Variants in PLEKHG4B observed in about 807,000 individuals in gnomAD.
PLEKHG4B encodes pleckstrin homology and RhoGEF domain containing G4B, also known as pleckstrin homology domain-containing family G member 4B.
In PLEKHG4B, 111 loss-of-function variants were observed where a neutral mutation model predicts 121.3. The ratio of observed to expected loss-of-function variants is 0.92; its 90% CI spans 0.78 to 1.07. The LOEUF is 1.07. Ranked by LOEUF, PLEKHG4B falls within the 50% of genes least tolerant of loss-of-function variation. The pLI is 0.00. For synonymous variants in PLEKHG4B, 738 were observed against 725.0 expected, an observed-to-expected ratio of 1.02 and a Z score of -0.29; for missense variants, 1,831 against 1,757.8, an observed-to-expected ratio of 1.04 and a Z score of -0.74.
Position 163,072 on chromosome 5 carries a change from TG to T in PLEKHG4B, c.3002del (p.Gly1001ValfsTer79). On this transcript the variant is annotated frameshift_variant, in exon 13 of 20. Coordinates refer to ENST00000637938, the MANE Select transcript of PLEKHG4B (RefSeq NM_052909.5). LOFTEE classifies it high-confidence loss of function. ...PSFPSTDSGG[G>X]AWEPAQPLSG... ...CATTCCCCAGCACGGACAGTGGGGG[TG>T]GTGCCTGGGAACCTGCGCAACCACT... is the stretch of plus-strand genomic sequence containing the variant. The T allele has an allele frequency of 6.4e-7, 1 of 1,560,858 alleles. No homozygotes were observed. The highest frequency in any genetic ancestry group is 8.7e-7 in the Non-Finnish European group (1 of 1,152,804).
Position 161,808 on chromosome 5 carries a change from T to A in PLEKHG4B, c.2513T>A (p.Leu838Gln), listed in dbSNP as rs113399108. 57 of 1,613,808 alleles carry A rather than the reference T, an allele frequency of 3.5e-5. No individual in the cohort carries two copies. In the East Asian group the frequency reaches 1.2e-3, roughly 33 times the overall value. The change falls in exon 12 of 20, where the codon CTG becomes CAG. Residue 838 changes from leucine (L) to glutamine (Q), a missense_variant. By Grantham distance (113) the Leu-to-Gln change is moderately radical. Transcript: ENST00000637938. The stretch of plus-strand genomic sequence containing the variant: ...CAATCCTGCCAGAAAGGACTACAGC[T>A]GGCGAAGGAGAACCCGCAACGTACA... The part of the protein sequence containing the change: ...DQQSCQKGLQ[L>Q]AKENPQRTEE...
chr5:178,695 C>G (rs760529715), intron 18 of PLEKHG4B, among the ~76,000 whole-genome samples: 1 of 152,154 alleles, frequency 6.6e-6, no homozygotes. Flanking sequence ...GAAACAGAGC[C>G]TCTTTGATCA....
chr5:165,114 C>A (rs1471924395), intron 13 of PLEKHG4B, among the ~76,000 whole-genome samples: 1 of 67,816 alleles, frequency 1.5e-5, no homozygotes, highest in Non-Finnish European at 3.1e-5. Flanking sequence ...TGTGACGGGG[C>A]GGAGCTCACA....
chr5:134,084 T>TATATGATAGA (rs1354337065), intron 2 of PLEKHG4B, among the ~76,000 whole-genome samples: 19 of 73,212 alleles, frequency 2.6e-4, no homozygotes, highest in African/African-American at 1.8e-3. Context: ...AGAATATATA[T>TATATGATAGA]ATATATATAT....
chr5:155,841 C>T (rs957094297), intron 9 of PLEKHG4B, among the ~76,000 whole-genome samples: 8 of 152,114 alleles, frequency 5.3e-5, no homozygotes, highest in African/African-American at 9.7e-5. Context: ...GGCAGGTTCA[C>T]CTCCTACAGC....
intron 2 of PLEKHG4B, among the ~76,000 whole-genome samples, chr5:115,587 A>G (rs1734281254): frequency 6.6e-6 from 1 of 152,208 alleles, no homozygotes; most frequent in Non-Finnish European, 1.5e-5. Flanking sequence ...TACGTTGAAA[A>G]TCTGTTGTTA....
At chr5:145,036 T>G in intron 6 of PLEKHG4B, 116 bp downstream of exon 6, 2 of 946,008 alleles carry the variant, frequency 2.1e-6, no homozygotes, top group Non-Finnish European at 3.1e-6. Context: ...GTGTGAAGAT[T>G]CGAGATGGGG....
At chr5:151,305 G>A (rs1236899347) in intron 6 of PLEKHG4B, among the ~76,000 whole-genome samples, 1 of 152,142 alleles carries the variant, frequency 6.6e-6, no homozygotes, top group Non-Finnish European at 1.5e-5. Flanking sequence ...TTTATTGTAT[G>A]TAAATTATAC....
intron 1 of PLEKHG4B, among the ~76,000 whole-genome samples, chr5:92,651 C>T (rs1368632132): frequency 1.3e-5 from 2 of 151,536 alleles, no homozygotes; most frequent in East Asian, 2.0e-4. Flanking sequence ...CACCCTTTTC[C>T]TTGTAACCTC....
At chr5:131,494 T>G (rs1734777998) in intron 2 of PLEKHG4B, among the ~76,000 whole-genome samples, 1 of 152,226 alleles carries the variant, frequency 6.6e-6, no homozygotes, top group Non-Finnish European at 1.5e-5. Flanking sequence ...GTGCCACATT[T>G]TCTTAATCAA....
intron 2 of PLEKHG4B, among the ~76,000 whole-genome samples, chr5:134,051 A>G (rs1401022158): frequency 7.5e-6 from 1 of 134,148 alleles, no homozygotes; most frequent in Admixed American, 7.8e-5. Flanking sequence ...GAATATATAT[A>G]TGATAGAATA....
At chr5:122,942 T>C (rs943741808) in intron 2 of PLEKHG4B, among the ~76,000 whole-genome samples, 1 of 152,098 alleles carries the variant, frequency 6.6e-6, no homozygotes, top group African/African-American at 2.4e-5. Flanking sequence ...AACCAAACAA[T>C]TGTCAGCAGT....
intron 2 of PLEKHG4B, among the ~76,000 whole-genome samples, chr5:133,710 A>G (rs1734844577): frequency 6.6e-6 from 1 of 152,128 alleles, no homozygotes; most frequent in African/African-American, 2.4e-5. Flanking sequence ...CCACCATGGA[A>G]AACAGCGTGG....
intron 2 of PLEKHG4B, among the ~76,000 whole-genome samples, chr5:128,633 C>T (rs780429806): frequency 5.9e-5 from 9 of 152,156 alleles, no homozygotes; most frequent in Non-Finnish European, 1.3e-4. Flanking sequence ...CCACAATCAA[C>T]CACAATTTGC....
At chr5:104,005 C>T (rs1208834540) in intron 1 of PLEKHG4B, among the ~76,000 whole-genome samples, 1 of 152,178 alleles carries the variant, frequency 6.6e-6, no homozygotes, top group African/African-American at 2.4e-5. Flanking sequence ...ACAGCCCAGT[C>T]CCAGCACCGA....
intron 2 of PLEKHG4B, among the ~76,000 whole-genome samples, chr5:135,729 G>C (rs1410150984): frequency 1.7e-5 from 1 of 57,642 alleles, no homozygotes. Context: ...ATATATATAT[G>C]TATGTCAGTA....
At position 173,053 on chromosome 5, in the gene PLEKHG4B, A is replaced by T; in HGVS notation, c.4207A>T (p.Lys1403Ter). The T allele has an allele frequency of 6.2e-7, 1 of 1,614,060 alleles. No homozygotes were observed. The highest frequency in any genetic ancestry group is 8.5e-7 in the Non-Finnish European group (1 of 1,179,976). ...GGGCAGCCACGACGTCTACCTGTAC[A>T]AGCAGTCCTTCAAGGTAGCACCCGC... Reference protein sequence around the residue: ...VEGSHDVYLYKQSFKTAEIGM... With the variant: ...VEGSHDVYLY Residue 1403 changes from lysine to a stop codon, truncating the protein, a stop_gained, in exon 17 of 20, where the codon AAG (lysine) becomes TAG (stop). Transcript: ENST00000637938. LOFTEE classifies it high-confidence loss of function.
intron 6 of PLEKHG4B, among the ~76,000 whole-genome samples, chr5:150,059 C>T (rs1475670945): frequency 6.6e-6 from 1 of 152,222 alleles, no homozygotes; most frequent in Non-Finnish European, 1.5e-5. Flanking sequence ...GAGATTTATA[C>T]AGCTGTGTTC....
In PLEKHG4B at chr5:186,344, C is replaced by T. The variant is rs1733623348; in HGVS notation, c.*4021C>T. 1 of 152,290 alleles carries T rather than the reference C, an allele frequency of 6.6e-6. No individual in the cohort carries two copies. Among genetic ancestry groups the T allele is most frequent in the South Asian group, 2.1e-4 (1 of 4,838 alleles). The allele number at this position is 152,290 out of a possible 1,614,324, so 9.4% of individuals were successfully genotyped here. The stretch of plus-strand genomic sequence containing the variant: ...TAATGCTTCTGTCTGAATCAGGCCT[C>T]ATGGGCTTCACCAGCAGACACGAAG... On this transcript the variant is annotated 3_prime_UTR_variant, in exon 20 of 20. Transcript: ENST00000637938.
Sources: allele counts gnomAD v4.1 joint callset (sites outside exome capture counted in the v4.1 genomes callset), GRCh38; gene constraint gnomAD v4.1.1; transcripts MANE v1.5; gene names NCBI Gene and HGNC (gene_info 2026-07-23, HGNC 2026-07-21).